The following GLTP variants were observed in gnomAD, a reference collection of about 807,000 sequenced individuals.
GLTP encodes glycolipid transfer protein.
In GLTP, 22 loss-of-function variants were observed where a neutral mutation model predicts 24.0. That is an observed-to-expected ratio of 0.92 (90% CI 0.65 to 1.31). The LOEUF is 1.31. Among genes scored for constraint, GLTP ranks in the 50% most tolerant of loss-of-function variants. GLTP has a pLI of 0.00. For missense variants in GLTP, 224 were observed against 276.6 expected (o/e 0.81, Z 1.35); for synonymous variants, 92 against 115.9 (o/e 0.79, Z 1.33).
intron 1 of GLTP, among the ~76,000 whole-genome samples, chr12:109,863,039 T>A (rs1452101737): frequency 1.3e-5 from 2 of 151,896 alleles, no homozygotes; most frequent in African/African-American, 4.8e-5. Context: ...GCAACAAGAG[T>A]GAAATTCCAT....
intron 1 of GLTP, among the ~76,000 whole-genome samples, chr12:109,859,603 GA>G (rs1470634504): frequency 3.9e-5 from 4 of 102,084 alleles, no homozygotes; most frequent in Admixed American, 1.2e-4. Flanking sequence ...TAACAAAAAA[GA>G]TTTTTTTTAA....
chr12:109,854,113 T>C (rs1892762695), intron 4 of GLTP, among the ~76,000 whole-genome samples: 1 of 151,702 alleles, frequency 6.6e-6, no homozygotes, highest in African/African-American at 2.4e-5. Flanking sequence ...ATCCCAGCAC[T>C]TTGGGAGGCC....
Position 109,880,001 on chromosome 12 carries a change from AT to A in GLTP, c.103+270del, listed in dbSNP as rs1869019120. 6.6e-6 allele frequency among the ~76,000 whole-genome samples: 1 copy of A among 151,742 alleles called. No homozygotes were observed. The highest frequency in any genetic ancestry group is 2.4e-5 in the African/African-American group (1 of 41,284). ...TTGGGGGCACGGATGATCAGGGGGC[AT>A]TTGGGGGATATGTAGGACTGTGAGG... is the stretch of plus-strand genomic sequence containing the variant. On this transcript the variant is annotated intron_variant, in intron 1 of 4. Transcript: ENST00000318348. This position sits in a 1 kb window ranked among gnomAD's most constrained non-coding sequence, Gnocchi z 5.1.
In GLTP at chr12:109,855,516, T is replaced by G; in HGVS notation, c.447+103A>C. 1 of 1,058,888 alleles carries G rather than the reference T, an allele frequency of 9.4e-7. No homozygotes were observed. Among genetic ancestry groups the G allele is most frequent in the Middle Eastern group, 2.2e-4 (1 of 4,504 alleles). 65.6% of individuals were successfully genotyped at this position (1,058,888 alleles called of 1,614,324 possible). The stretch of plus-strand genomic sequence containing the variant: ...GGAGCCCTTCCTGAGCCCGAGGGGG[T>G]AAACACAGCCTCACAGGCCAGGAGG... On this transcript the variant is annotated intron_variant, in intron 4 of 4. Transcript: ENST00000318348. The surrounding 1 kb of genome is among the most constrained non-coding windows in gnomAD (Gnocchi z 4.1).
At chr12:109,866,029 G>C (rs1868517919) in intron 1 of GLTP, among the ~76,000 whole-genome samples, 1 of 152,160 alleles carries the variant, frequency 6.6e-6, no homozygotes, top group African/African-American at 2.4e-5. Context: ...AGAGAGTAGA[G>C]AGTCTGTGTA....
At chr12:109,861,560 C>T (rs1303683603) in intron 1 of GLTP, among the ~76,000 whole-genome samples, 8 of 152,100 alleles carry the variant, frequency 5.3e-5, no homozygotes, top group African/African-American at 9.7e-5. Flanking sequence ...CCAGCCTGGC[C>T]AACATGGTGA....
At chr12:109,868,972 T>G (rs1379928959) in intron 1 of GLTP, among the ~76,000 whole-genome samples, 1 of 152,142 alleles carries the variant, frequency 6.6e-6, no homozygotes, top group East Asian at 1.9e-4. Context: ...GAGGAAAGAA[T>G]GTTTACAAAA....
In GLTP at chr12:109,855,546, G is replaced by A. The variant is rs1051300979; in HGVS notation, c.447+73C>T. ...ACAGCCTCACAGGCCAGGAGGCCTC[G>A]GCTAAGCAGGGGCAGAGTGGGGAGC... On this transcript the variant is annotated intron_variant, in intron 4 of 4. Transcript: ENST00000318348. This position sits in a 1 kb window ranked among gnomAD's most constrained non-coding sequence, Gnocchi z 4.1. 19 of 1,369,966 alleles carry A rather than the reference G, an allele frequency of 1.4e-5. No individual in the cohort carries two copies. The highest frequency in any genetic ancestry group is 1.9e-4 in the Middle Eastern group (1 of 5,272). 84.9% of individuals were successfully genotyped at this position (1,369,966 alleles called of 1,614,324 possible).
intron 2 of GLTP, among the ~76,000 whole-genome samples, 163 bp downstream of exon 2, chr12:109,858,520 G>A (rs1892831157): frequency 6.6e-6 from 1 of 152,212 alleles, no homozygotes; most frequent in Admixed American, 6.5e-5. Flanking sequence ...GGAGGGCAGA[G>A]AACATTGAGC....
rs552147377 is a variant in GLTP at position 109,852,879 on chromosome 12, G to A, written c.448-142C>T. ...GCTATTTGAGGTGTTGGAAGGGAAA[G>A]GAAAAGGGAGGTGTATTTTGAGCGA... On this transcript the variant is annotated intron_variant, in intron 4 of 4. Transcript: ENST00000318348. The A allele has an allele frequency of 1.2e-4, 74 of 610,312 alleles. No individual in the cohort carries two copies. In the African/African-American group the frequency reaches 1.4e-3, roughly 11 times the overall value. The allele number at this position is 610,312 out of a possible 1,614,324, so 37.8% of individuals were successfully genotyped here.
intron 1 of GLTP, among the ~76,000 whole-genome samples, chr12:109,877,303 T>G (rs1868919472): frequency 6.6e-6 from 1 of 152,246 alleles, no homozygotes; most frequent in South Asian, 2.1e-4. Context: ...TAGCACATAG[T>G]AAGGGCTCAG....
chr12:109,879,003 A>C (rs1291593092), intron 1 of GLTP, among the ~76,000 whole-genome samples: 1 of 152,062 alleles, frequency 6.6e-6, no homozygotes, highest in Non-Finnish European at 1.5e-5. Context: ...CTTTACACAC[A>C]CCACCTCATC....
intron 1 of GLTP, among the ~76,000 whole-genome samples, chr12:109,872,420 T>A (rs1184253300): frequency 6.6e-6 from 1 of 152,126 alleles, no homozygotes; most frequent in Non-Finnish European, 1.5e-5. Context: ...CACTCATCTG[T>A]CCACGGTGTT....
intron 1 of GLTP, among the ~76,000 whole-genome samples, chr12:109,874,846 G>C (rs10850914): frequency 2.0e-5 from 3 of 151,988 alleles, no homozygotes; most frequent in African/African-American, 7.3e-5. Context: ...TGCAACCTCC[G>C]CCTCCCAGGT....
intron 2 of GLTP, chr12:109,858,005 A>T: frequency 2.3e-6 from 1 of 433,278 alleles, no homozygotes; most frequent in Admixed American, 2.7e-5. Flanking sequence ...ACACTGCCTC[A>T]GACACCAAGT....
chr12:109,880,212 G>A lies in GLTP; in HGVS notation c.103+60C>T. ...AGAGATGGTTAGGGGATGCTCGGGGGAAGGAGGATTCGGGTGCGCGTGGGG... is the reference window on the plus strand; with the variant it reads ...AGAGATGGTTAGGGGATGCTCGGGGAAAGGAGGATTCGGGTGCGCGTGGGG... On this transcript the variant is annotated intron_variant, in intron 1 of 4. Coordinates refer to ENST00000318348, the MANE Select transcript of GLTP (RefSeq NM_016433.4). The surrounding 1 kb of genome is among the most constrained non-coding windows in gnomAD (Gnocchi z 5.1). 1.0e-6 allele frequency: 1 copy of A among 992,100 alleles called. No individual in the cohort carries two copies. The highest frequency in any genetic ancestry group is 2.6e-5 in the East Asian group (1 of 37,978). 61.5% of individuals were successfully genotyped at this position (992,100 alleles called of 1,614,324 possible).
At chr12:109,865,857 G>A (rs1046704619) in intron 1 of GLTP, among the ~76,000 whole-genome samples, 3 of 152,280 alleles carry the variant, frequency 2.0e-5, no homozygotes, top group East Asian at 3.9e-4. Context: ...GCTGGCAAAC[G>A]GCCCCTTCTG....
chr12:109,877,369 T>C (rs1386629786), intron 1 of GLTP, among the ~76,000 whole-genome samples: 1 of 152,182 alleles, frequency 6.6e-6, no homozygotes, highest in African/African-American at 2.4e-5. Flanking sequence ...TTCCTCCAAT[T>C]GACAGATCTT....
intron 1 of GLTP, among the ~76,000 whole-genome samples, chr12:109,861,097 C>G (rs2136044689): frequency 6.6e-6 from 1 of 152,150 alleles, no homozygotes; most frequent in African/African-American, 2.4e-5. Context: ...CCCAGGAGGC[C>G]AGACAGGGAC....
Sources: gnomAD v4.1 joint callset for allele counts (sites outside exome capture counted in the v4.1 genomes callset) on GRCh38, gnomAD v4.1.1 for gene constraint, Gnocchi (gnomAD v3.1) non-coding constraint, MANE v1.5 for transcripts, NCBI Gene and HGNC (gene_info 2026-07-23, HGNC 2026-07-21) for gene names.